The following EPHA6 variants were observed in gnomAD, a reference collection of about 807,000 sequenced individuals.
EPHA6 encodes the protein ephrin type-A receptor 6.
Under a neutral mutation model 112.0 loss-of-function variants are expected in EPHA6, and 50 were observed. The ratio of observed to expected loss-of-function variants is 0.45; its 90% CI spans 0.36 to 0.56. EPHA6 has a LOEUF of 0.56. Ranked by LOEUF, EPHA6 falls within the 20% of genes least tolerant of loss-of-function variation. The probability of loss-of-function intolerance (pLI) is 0.00; values close to 1 mark genes in which losing one functional copy is unlikely to be tolerated. For synonymous variants in EPHA6, 529 were observed against 490.7 expected (o/e 1.08, Z -1.03); for missense variants, 1,280 against 1,417.4 (o/e 0.90, Z 1.56).
chr3:96,943,199 G>T (rs957278921), intron 2 of EPHA6, among the ~76,000 whole-genome samples: 5 of 151,466 alleles, frequency 3.3e-5, no homozygotes, highest in African/African-American at 1.2e-4. Context: ...ATTCTTTTTT[G>T]TATATATATA....
At chr3:97,235,267 C>T (rs2078647280) in intron 4 of EPHA6, among the ~76,000 whole-genome samples, 1 of 152,072 alleles carries the variant, frequency 6.6e-6, no homozygotes, top group Non-Finnish European at 1.5e-5. Flanking sequence ...ATAGTAGACA[C>T]TAAGAACCTG....
intron 5 of EPHA6, among the ~76,000 whole-genome samples, chr3:97,384,587 G>A (rs1285632608): frequency 6.6e-6 from 1 of 152,172 alleles, no homozygotes; most frequent in Non-Finnish European, 1.5e-5. Flanking sequence ...TGCCAACATA[G>A]CAGTAGTCAA....
chr3:97,142,972 C>A (rs1423132501), intron 3 of EPHA6, among the ~76,000 whole-genome samples: 1 of 151,738 alleles, frequency 6.6e-6, no homozygotes, highest in Non-Finnish European at 1.5e-5. Context: ...GTACTGGATT[C>A]CTAGCCAGAG....
intron 1 of EPHA6, among the ~76,000 whole-genome samples, chr3:96,845,226 C>T (rs1364460899): frequency 1.3e-5 from 2 of 151,768 alleles, no homozygotes; most frequent in Non-Finnish European, 1.5e-5. Context: ...TAAGTGGCAG[C>T]ATGTAAAAAA....
intron 5 of EPHA6, among the ~76,000 whole-genome samples, chr3:97,284,356 C>T (rs1449809460): frequency 6.6e-6 from 1 of 152,048 alleles, no homozygotes; most frequent in Non-Finnish European, 1.5e-5. Flanking sequence ...GAGAGAAAGG[C>T]TTGTTAGTTT....
At chr3:97,143,453 G>A (rs778617648) in intron 3 of EPHA6, among the ~76,000 whole-genome samples, 1 of 151,762 alleles carries the variant, frequency 6.6e-6, no homozygotes, top group Non-Finnish European at 1.5e-5. Flanking sequence ...GCCTAAAGTT[G>A]GTTATAGATT....
intron 1 of EPHA6, among the ~76,000 whole-genome samples, chr3:96,835,484 A>T (rs1338418374): frequency 6.6e-6 from 1 of 152,010 alleles, no homozygotes; most frequent in African/African-American, 2.4e-5. Context: ...GTGCAAGGGG[A>T]TGGAAAATTC....
chr3:97,019,021 CT>C (rs1282968658), intron 3 of EPHA6, among the ~76,000 whole-genome samples: 1 of 152,100 alleles, frequency 6.6e-6, no homozygotes, highest in Non-Finnish European at 1.5e-5. Context: ...GCTCCTATCT[CT>C]GTATGGCCTG....
At chr3:96,822,175 A>G (rs891687023) in intron 1 of EPHA6, among the ~76,000 whole-genome samples, 4 of 151,976 alleles carry the variant, frequency 2.6e-5, no homozygotes, top group African/African-American at 9.7e-5. Context: ...TACAAAAAAT[A>G]AATATTTCAC....
intron 14 of EPHA6, among the ~76,000 whole-genome samples, chr3:97,708,230 G>C (rs967399371): frequency 6.6e-6 from 1 of 152,284 alleles, no homozygotes; most frequent in Non-Finnish European, 1.5e-5. Flanking sequence ...CCAAGCTTAG[G>C]TGGTCTCAGA....
chr3:97,440,849 G>A (rs897170850), intron 6 of EPHA6, among the ~76,000 whole-genome samples: 6 of 151,678 alleles, frequency 4.0e-5, no homozygotes, highest in South Asian at 2.1e-4. Flanking sequence ...AATAGGAAAT[G>A]TTATTTACGT....
intron 3 of EPHA6, among the ~76,000 whole-genome samples, chr3:97,111,215 G>A (rs983896831): frequency 6.6e-6 from 1 of 152,028 alleles, no homozygotes; most frequent in Non-Finnish European, 1.5e-5. Context: ...ACTTACAAAT[G>A]TGGAATTTTC....
chr3:96,981,822 A>G (rs1263582039), intron 2 of EPHA6, among the ~76,000 whole-genome samples: 1 of 151,996 alleles, frequency 6.6e-6, no homozygotes, highest in African/African-American at 2.4e-5. Context: ...TTTCTTCTAG[A>G]TTTTCTAGTT....
chr3:97,289,690 A>G (rs562713985), intron 5 of EPHA6, among the ~76,000 whole-genome samples: 2 of 152,244 alleles, frequency 1.3e-5, no homozygotes, highest in African/African-American at 2.4e-5. Context: ...CTTCCAATCC[A>G]TGAGCATGGA....
intron 2 of EPHA6, among the ~76,000 whole-genome samples, chr3:96,972,009 A>G (rs1329903243): frequency 6.6e-6 from 1 of 152,166 alleles, no homozygotes; most frequent in Admixed American, 6.5e-5. Context: ...GTTGTTGTAT[A>G]TTGTTTTAAT....
intron 11 of EPHA6, among the ~76,000 whole-genome samples, chr3:97,570,628 G>T (rs906508145): frequency 9.2e-5 from 14 of 151,876 alleles, no homozygotes; most frequent in African/African-American, 3.4e-4. Context: ...TACTCTGGAG[G>T]CTGAGGCAGA....
At chr3:97,385,779 C>T (rs2086029027) in intron 5 of EPHA6, among the ~76,000 whole-genome samples, 1 of 152,218 alleles carries the variant, frequency 6.6e-6, no homozygotes, top group Non-Finnish European at 1.5e-5. Context: ...GAAGTGGGCA[C>T]ATCTTCACAA....
intron 3 of EPHA6, among the ~76,000 whole-genome samples, chr3:97,084,849 G>T (rs990013537): frequency 6.6e-6 from 1 of 151,962 alleles, no homozygotes; most frequent in Non-Finnish European, 1.5e-5. Context: ...AACCGAAACA[G>T]CATGGTACTG....
At chr3:97,557,525 T>C (rs1404768535) in intron 11 of EPHA6, among the ~76,000 whole-genome samples, 1 of 151,928 alleles carries the variant, frequency 6.6e-6, no homozygotes, top group East Asian at 1.9e-4. Flanking sequence ...GTCTCTTTTA[T>C]CTTATATGTT....
Sources: allele counts gnomAD v4.1 joint callset (sites outside exome capture counted in the v4.1 genomes callset), GRCh38; gene constraint gnomAD v4.1.1; transcripts MANE v1.5; gene names NCBI Gene and HGNC (gene_info 2026-07-23, HGNC 2026-07-21).